The following EHHADH variants were observed in gnomAD, a reference collection of about 807,000 sequenced individuals.
The protein encoded by EHHADH is enoyl-CoA hydratase and 3-hydroxyacyl CoA dehydrogenase.
In EHHADH, 48 loss-of-function variants were observed where a neutral mutation model predicts 64.4. The observed-to-expected ratio is 0.75, with a 90% CI of 0.59 to 0.95. The LOEUF (loss-of-function observed/expected upper bound fraction) is 0.95. EHHADH is among the 40% of genes least tolerant of loss of function. The pLI is 0.00. For missense variants in EHHADH, 854 were observed against 876.6 expected (o/e 0.97, Z 0.33); for synonymous variants, 308 against 326.7 (o/e 0.94, Z 0.62).
chr3:185,210,041 A>T (rs1369734924), intron 5 of EHHADH, among the ~76,000 whole-genome samples: 1 of 152,224 alleles, frequency 6.6e-6, no homozygotes, highest in East Asian at 1.9e-4. Flanking sequence ...AAAGGAAGAC[A>T]AGAATGGACA....
intron 1 of EHHADH, among the ~76,000 whole-genome samples, chr3:185,248,948 T>G (rs1429807887): frequency 6.6e-6 from 1 of 152,200 alleles, no homozygotes; most frequent in African/African-American, 2.4e-5. Flanking sequence ...AAAGTGATGT[T>G]GAAGTTCAGA....
intron 6 of EHHADH, among the ~76,000 whole-genome samples, chr3:185,201,405 C>G (rs1372314411): frequency 6.6e-6 from 1 of 152,198 alleles, no homozygotes; most frequent in Non-Finnish European, 1.5e-5. Context: ...TGCAGGACCA[C>G]AAAGGACAGT....
intron 5 of EHHADH, among the ~76,000 whole-genome samples, 188 bp from the exon 6 acceptor site, chr3:185,204,945 G>A (rs1718345494): frequency 6.6e-6 from 1 of 152,090 alleles, no homozygotes; most frequent in Non-Finnish European, 1.5e-5. Context: ...AGTCCTACAA[G>A]ATAGAATTTA....
At chr3:185,218,308 C>T (rs1718746198) in intron 4 of EHHADH, 68 bp from the exon 5 acceptor site, 2 of 1,092,988 alleles carry the variant, frequency 1.8e-6, no homozygotes, top group Non-Finnish European at 2.7e-6. Context: ...AAAAGCATTA[C>T]TCTCTCTAGT....
chr3:185,193,342 T>C lies in EHHADH; in HGVS notation c.1056A>G (p.Gln352=), dbSNP rs767752731. The C allele has an allele frequency of 2.1e-5, 34 of 1,613,912 alleles. No individual in the cohort carries two copies. Among genetic ancestry groups the C allele is most frequent in the Middle Eastern group, 3.3e-4 (2 of 6,084 alleles). The change falls in exon 7 of 7, where the codon CAA becomes CAG. Residue 352 remains glutamine, a synonymous_variant. Coordinates refer to ENST00000231887, the MANE Select transcript of EHHADH (RefSeq NM_001966.4). ...SVLEKEASKM[Q]QSGHPWSGPK... Reference sequence around the variant, plus strand: ...GTCCTGACCAAGGGTGGCCGCTCTGTTGCATTTTGGAGGCTTCTTTTTCCA... The same window carrying C: ...GTCCTGACCAAGGGTGGCCGCTCTGCTGCATTTTGGAGGCTTCTTTTTCCA...
At chr3:185,243,421 G>A (rs1403819550) in intron 2 of EHHADH, among the ~76,000 whole-genome samples, 1 of 152,044 alleles carries the variant, frequency 6.6e-6, no homozygotes, top group Non-Finnish European at 1.5e-5. Flanking sequence ...TTATTTTTTT[G>A]TCTTAATCTC....
intron 4 of EHHADH, 51 bp from the exon 5 acceptor site, chr3:185,218,291 T>A: frequency 2.2e-6 from 3 of 1,352,438 alleles, no homozygotes; most frequent in Non-Finnish European, 3.1e-6. Flanking sequence ...CGATGTAAGA[T>A]TAAAGCAAAA....
chr3:185,235,265 C>T (rs757961816), intron 3 of EHHADH, 25 bp downstream of exon 3: 10 of 1,573,892 alleles, frequency 6.4e-6, no homozygotes, highest in African/African-American at 1.4e-5. Flanking sequence ...ACACACCAGC[C>T]ACTATATAGA....
intron 5 of EHHADH, among the ~76,000 whole-genome samples, chr3:185,207,380 G>T (rs1191247575): frequency 6.6e-6 from 1 of 152,176 alleles, no homozygotes; most frequent in Non-Finnish European, 1.5e-5. Flanking sequence ...TAAAAGCAGA[G>T]AATCTTTCCT....
chr3:185,192,831 C>G lies in EHHADH; in HGVS notation c.1567G>C (p.Asp523His), dbSNP rs769222941. Residue 523 changes from aspartate (D) to histidine (H), a missense_variant, in exon 7 of 7, where the codon GAT (aspartate) becomes CAT (histidine). Asp to His is a moderately conservative substitution (Grantham distance 81). Transcript: ENST00000231887. Reference sequence around the variant, plus strand: ...CAGCCCACATCCAACCCAGCAAGATCAGACACTCTAAAAGGTCCCATTTTA... The same window carrying G: ...CAGCCCACATCCAACCCAGCAAGATGAGACACTCTAAAAGGTCCCATTTTA... The part of the protein sequence containing the change: ...GFKMGPFRVS[D>H]LAGLDVGWKS... 7 of 1,614,164 alleles carry G rather than the reference C, an allele frequency of 4.3e-6. No homozygotes were observed. Among genetic ancestry groups the G allele is most frequent in the Non-Finnish European group, 5.9e-6 (7 of 1,180,040 alleles).
intron 6 of EHHADH, among the ~76,000 whole-genome samples, chr3:185,198,250 G>T (rs1280314262): frequency 6.8e-6 from 1 of 147,976 alleles, no homozygotes; most frequent in African/African-American, 2.5e-5. Flanking sequence ...ATGGAGTCTT[G>T]CTCTGTCACC....
chr3:185,207,803 A>G (rs1342915895), intron 5 of EHHADH, among the ~76,000 whole-genome samples: 10 of 152,248 alleles, frequency 6.6e-5, no homozygotes, highest in Admixed American at 6.5e-4. Flanking sequence ...GCACAGCAAT[A>G]GAAAATATAA....
intron 2 of EHHADH, among the ~76,000 whole-genome samples, chr3:185,242,473 T>C (rs1025671509): frequency 2.0e-5 from 3 of 152,136 alleles, no homozygotes; most frequent in East Asian, 3.9e-4. Flanking sequence ...AATAGGCACA[T>C]AGACCAATGG....
intron 2 of EHHADH, among the ~76,000 whole-genome samples, chr3:185,244,850 G>A (rs1217568727): frequency 6.6e-6 from 1 of 152,202 alleles, no homozygotes; most frequent in East Asian, 1.9e-4. Context: ...AGCAATGAGA[G>A]AATAGATTTC....
chr3:185,204,158 A>T (rs1415945484), intron 6 of EHHADH, among the ~76,000 whole-genome samples: 3 of 134,644 alleles, frequency 2.2e-5, no homozygotes, highest in East Asian at 4.8e-4. Flanking sequence ...AAAAAAAAAA[A>T]GAATAAAACA....
intron 5 of EHHADH, among the ~76,000 whole-genome samples, chr3:185,213,547 A>G (rs1045812625): frequency 2.6e-5 from 4 of 152,136 alleles, no homozygotes; most frequent in Non-Finnish European, 4.4e-5. Context: ...TAATCCATCA[A>G]TTTTGTTCTG....
In EHHADH at chr3:185,204,684, A is replaced by G; in HGVS notation, c.642T>C (p.Ser214=). 1 of 1,614,240 alleles carries G rather than the reference A, an allele frequency of 6.2e-7. No individual in the cohort carries two copies. Among genetic ancestry groups the G allele is most frequent in the Non-Finnish European group, 8.5e-7 (1 of 1,180,036 alleles). The change falls in exon 6 of 7, where the codon AGT becomes AGC. Residue 214 remains serine, a synonymous_variant. Coordinates refer to ENST00000231887, the MANE Select transcript of EHHADH (RefSeq NM_001966.4). ...GCCTCCGCATCTTCAAGAGGGCCTC[A>G]CTAAAAATGCTGTCCATGTTGGGCA... ...QSLPNMDSIF[S]EALLKMRRQH...
rs1173320679 is a variant in EHHADH, at chr3:185,234,569, AGGG to A, written c.351+718_351+720del. 1.6e-5 allele frequency among the ~76,000 whole-genome samples: 2 copies of A among 122,024 alleles called. 1 individual carries two copies. The highest frequency in any genetic ancestry group is 3.6e-5 in the Non-Finnish European group (2 of 55,798). The allele number at this position is 122,024 out of a possible 152,430, so 80.1% of individuals were successfully genotyped here. ...GGAAACAAGATCATAGAGAGGCCCT[AGGG>A]CTAAGGTTAAGGGAAACAAGGAGTT... is the stretch of plus-strand genomic sequence containing the variant. On this transcript the variant is annotated intron_variant, in intron 3 of 6. Coordinates refer to ENST00000231887, the MANE Select transcript of EHHADH (RefSeq NM_001966.4).
At position 185,192,786 on chromosome 3, in the gene EHHADH, C is replaced by T. The variant is rs774804691; in HGVS notation, c.1612G>A (p.Gly538Ser). ...DVGWKSRKGQ[G>S]LTGPTLLPGT... ...GGAAGCAATGTAGGTCCAGTAAGACCTTGCCCCTTTCTAGATTTCCAGCCC... is the reference window on the plus strand; with the variant it reads ...GGAAGCAATGTAGGTCCAGTAAGACTTTGCCCCTTTCTAGATTTCCAGCCC... Residue 538 changes from glycine to serine, a missense_variant, in exon 7 of 7, where the codon GGT (glycine) becomes AGT (serine). Coordinates refer to ENST00000231887, the MANE Select transcript of EHHADH (RefSeq NM_001966.4). 1.5e-5 allele frequency: 24 copies of T among 1,613,998 alleles called. No individual in the cohort carries two copies. The highest frequency in any genetic ancestry group is 2.0e-5 in the Non-Finnish European group (24 of 1,180,036).
Sources: allele counts gnomAD v4.1 joint callset (sites outside exome capture counted in the v4.1 genomes callset), GRCh38; gene constraint gnomAD v4.1.1; transcripts MANE v1.5; gene names NCBI Gene and HGNC (gene_info 2026-07-23, HGNC 2026-07-21).